The following CSMD1 variants were observed in gnomAD, a reference collection of about 807,000 sequenced individuals.
The protein encoded by CSMD1 is CUB and sushi domain-containing protein 1.
In CSMD1, 213 loss-of-function variants were observed where a neutral mutation model predicts 417.5. That is an observed-to-expected ratio of 0.51 (90% CI 0.46 to 0.57). CSMD1 has a LOEUF of 0.57. CSMD1 is among the 20% of genes least tolerant of loss of function. CSMD1 has a pLI of 0.00. For missense variants in CSMD1, 6,923 were observed against 4,529.7 expected (o/e 1.53, Z -15.17); for synonymous variants, 2,862 against 1,736.8 (o/e 1.65, Z -16.11).
intron 5 of CSMD1, among the ~76,000 whole-genome samples, chr8:3,760,740 T>A (rs1410506649): frequency 2.6e-5 from 4 of 152,232 alleles, no homozygotes; most frequent in Non-Finnish European, 4.4e-5. Flanking sequence ...CCAGATTTCT[T>A]ATGTCTTTAG....
chr8:3,455,353 G>A (rs112994325), intron 12 of CSMD1, among the ~76,000 whole-genome samples: 5 of 152,194 alleles, frequency 3.3e-5, no homozygotes, highest in African/African-American at 1.2e-4. Flanking sequence ...CATTGCTGGT[G>A]AGGAGCTGCT....
At chr8:4,513,952 T>A (rs1235089323) in intron 2 of CSMD1, among the ~76,000 whole-genome samples, 4 of 152,210 alleles carry the variant, frequency 2.6e-5, no homozygotes, top group African/African-American at 9.6e-5. Flanking sequence ...ATCCAAAGAA[T>A]CACTTGGGAC....
intron 3 of CSMD1, among the ~76,000 whole-genome samples, chr8:4,273,792 G>A (rs144266513): frequency 4.2e-4 from 64 of 152,284 alleles, no homozygotes; most frequent in African/African-American, 1.4e-3. Context: ...CTGTCTGCGT[G>A]TATGTCTGGT....
chr8:3,358,444 C>T (rs963713968), intron 21 of CSMD1, among the ~76,000 whole-genome samples: 15 of 152,204 alleles, frequency 9.9e-5, no homozygotes, highest in Non-Finnish European at 4.4e-5. Context: ...CCTATTTAAG[C>T]TACAACGGCA....
intron 8 of CSMD1, among the ~76,000 whole-genome samples, chr8:3,601,048 G>T (rs1027857771): frequency 6.6e-6 from 1 of 152,052 alleles, no homozygotes; most frequent in Non-Finnish European, 1.5e-5. Flanking sequence ...CATTCATCCC[G>T]CATGATATCG....
intron 3 of CSMD1, among the ~76,000 whole-genome samples, chr8:4,345,189 C>A (rs908543617): frequency 2.6e-5 from 4 of 152,082 alleles, no homozygotes; most frequent in African/African-American, 7.2e-5. Flanking sequence ...TGCAAGACAT[C>A]GCATTGATGA....
chr8:3,892,960 C>T lies in CSMD1; in HGVS notation c.818+104943G>A, dbSNP rs1283437585. Among the ~76,000 whole-genome samples the T allele has an allele frequency of 5.6e-5, 6 of 106,286 alleles. No individual in the cohort carries two copies. In the East Asian group the frequency reaches 9.8e-4, roughly 17 times the overall value. The allele number at this position is 106,286 out of a possible 152,430, so 69.7% of individuals were successfully genotyped here. A position where few individuals can be genotyped will look rare whatever the true frequency, so the allele number is the denominator to read the frequency against. The stretch of plus-strand genomic sequence containing the variant: ...TGAAGGAAGTTTTCTCAAGTCTGAC[C>T]ACAGTGATAAAAAAAAAATATGACA... On this transcript the variant is annotated intron_variant, in intron 5 of 69. Coordinates refer to ENST00000635120, the MANE Select transcript of CSMD1 (RefSeq NM_033225.6).
intron 10 of CSMD1, among the ~76,000 whole-genome samples, chr8:3,508,716 A>G (rs73503605): frequency 0.012 from 1,835 of 152,186 alleles, 38 homozygotes; most frequent in African/African-American, 0.042. Flanking sequence ...TGTCATGAAT[A>G]TTTTAAAATT....
chr8:3,782,019 AT>A (rs1799212244), intron 5 of CSMD1, among the ~76,000 whole-genome samples: 3 of 133,012 alleles, frequency 2.3e-5, no homozygotes, highest in Admixed American at 7.5e-5. Flanking sequence ...TTAAGGGATA[AT>A]TTAAGAGTAT....
At chr8:3,870,087 G>A (rs999223478) in intron 5 of CSMD1, among the ~76,000 whole-genome samples, 14 of 152,210 alleles carry the variant, frequency 9.2e-5, no homozygotes, top group African/African-American at 3.4e-4. Context: ...TGATTATTAA[G>A]TTATCTACTA....
intron 41 of CSMD1, among the ~76,000 whole-genome samples, chr8:3,141,516 T>G (rs529067739): frequency 2.0e-5 from 3 of 152,142 alleles, no homozygotes; most frequent in Non-Finnish European, 4.4e-5. Flanking sequence ...CATTATGGTT[T>G]AGGGGTCATG....
chr8:3,610,338 G>A (rs932691556), intron 8 of CSMD1, among the ~76,000 whole-genome samples: 1 of 152,216 alleles, frequency 6.6e-6, no homozygotes, highest in South Asian at 2.1e-4. Flanking sequence ...TTAGAAACCA[G>A]CCTAGGCAAC....
At chr8:4,784,333 T>C (rs73179628) in intron 1 of CSMD1, among the ~76,000 whole-genome samples, 16,422 of 152,272 alleles carry the variant, frequency 0.11, 1,161 homozygotes, top group Non-Finnish European at 0.15. Flanking sequence ...TGTAGCATTC[T>C]GTCTAGGAAA....
chr8:4,585,815 A>T (rs1799671903), intron 2 of CSMD1, among the ~76,000 whole-genome samples: 1 of 152,286 alleles, frequency 6.6e-6, no homozygotes, highest in East Asian at 1.9e-4. Flanking sequence ...CTGAGTAAAT[A>T]CTCTTTAGTC....
At chr8:4,117,154 G>A (rs5016252) in intron 3 of CSMD1, among the ~76,000 whole-genome samples, 1 of 151,738 alleles carries the variant, frequency 6.6e-6, no homozygotes, top group African/African-American at 2.4e-5. Context: ...AGACAGACAC[G>A]TCCTCGAATT....
At chr8:4,355,678 C>G (rs533022982) in intron 3 of CSMD1, among the ~76,000 whole-genome samples, 1 of 152,298 alleles carries the variant, frequency 6.6e-6, no homozygotes, top group East Asian at 1.9e-4. Flanking sequence ...CCAAAGCCTA[C>G]AGAGTTTCCT....
At chr8:3,798,487 C>T (rs765542118) in intron 5 of CSMD1, among the ~76,000 whole-genome samples, 2 of 151,960 alleles carry the variant, frequency 1.3e-5, no homozygotes, top group Non-Finnish European at 2.9e-5. Flanking sequence ...TGTGGATATA[C>T]TGCAGAAGGT....
chr8:4,566,059 G>C (rs1352721683), intron 2 of CSMD1, among the ~76,000 whole-genome samples: 2 of 151,874 alleles, frequency 1.3e-5, no homozygotes, highest in African/African-American at 2.4e-5. Flanking sequence ...TTTTGCCTAT[G>C]AGATATATTA....
chr8:4,531,486 C>G (rs1383358682), intron 2 of CSMD1, among the ~76,000 whole-genome samples: 1 of 152,028 alleles, frequency 6.6e-6, no homozygotes, highest in Non-Finnish European at 1.5e-5. Flanking sequence ...TTTGTCATCC[C>G]TATAATAAGT....
Sources: allele counts gnomAD v4.1 joint callset (sites outside exome capture counted in the v4.1 genomes callset), GRCh38; gene constraint gnomAD v4.1.1; transcripts MANE v1.5; gene names NCBI Gene and HGNC (gene_info 2026-07-23, HGNC 2026-07-21).